GPHN: variants seen among roughly 807,000 people sequenced by gnomAD.
GPHN encodes gephyrin.
GPHN carries 17 observed loss-of-function variants against 95.5 expected under a neutral mutation model. The ratio of observed to expected loss-of-function variants is 0.18; its 90% CI spans 0.12 to 0.27. GPHN has a LOEUF of 0.27. Among genes scored for constraint, GPHN ranks in the 10% least tolerant of loss-of-function variants. The pLI, the probability that GPHN is intolerant of heterozygous loss-of-function variation, is 1.00. For missense variants in GPHN, 660 were observed against 978.1 expected, an observed-to-expected ratio of 0.67 and a Z score of 4.34; for synonymous variants, 320 against 322.5, an observed-to-expected ratio of 0.99 and a Z score of 0.08.
chr14:67,009,379 A>G (rs774833492), intron 9 of GPHN, among the ~76,000 whole-genome samples: 3 of 152,234 alleles, frequency 2.0e-5, no homozygotes, highest in Admixed American at 6.5e-5. Flanking sequence ...TGAAACTAAC[A>G]TAAATAAATT....
intron 12 of GPHN, among the ~76,000 whole-genome samples, chr14:67,095,815 A>T (rs1353901542): frequency 6.6e-6 from 1 of 151,944 alleles, no homozygotes; most frequent in East Asian, 1.9e-4. Flanking sequence ...GCATTAGGAG[A>T]TATACCTAAT....
intron 9 of GPHN, among the ~76,000 whole-genome samples, chr14:66,983,251 CA>C (rs1218109966): frequency 6.6e-6 from 1 of 151,746 alleles, no homozygotes; most frequent in African/African-American, 2.4e-5. Flanking sequence ...GACTCCATCT[CA>C]AAAAAATAAT....
chr14:66,641,654 CAAA>C (rs74268127), intron 1 of GPHN, among the ~76,000 whole-genome samples: 2 of 100,584 alleles, frequency 2.0e-5, no homozygotes, highest in Non-Finnish European at 4.1e-5. Flanking sequence ...AAGTAGATGA[CAAA>C]AAAAAAAAAA....
the GPHN span, chr14:67,454,507 G>A: frequency 4.6e-5 from 7 of 152,232 alleles, no homozygotes; most frequent in East Asian, 1.9e-4. Flanking sequence ...GTAGAACTCC[G>A]AACACTCATC....
intron 1 of GPHN, among the ~76,000 whole-genome samples, chr14:66,570,349 G>A (rs2140355468): frequency 6.9e-6 from 1 of 144,188 alleles, no homozygotes; most frequent in East Asian, 2.0e-4. Flanking sequence ...TTTTTGCCCA[G>A]GCTTGAGTGC....
chr14:67,049,210 GTTTGTTGTTGTTGTTGTT>G (rs1361050242), intron 10 of GPHN, among the ~76,000 whole-genome samples: 1 of 135,652 alleles, frequency 7.4e-6, no homozygotes, highest in Admixed American at 7.4e-5. Context: ...TGCTGATTAA[GTTTGTTGTTGTTGTTGTT>G]GTTGTTGTTG....
chr14:66,581,718 G>A (rs2061179835), intron 1 of GPHN, among the ~76,000 whole-genome samples: 1 of 151,598 alleles, frequency 6.6e-6, no homozygotes, highest in Non-Finnish European at 1.5e-5. Context: ...CCATGCTGAT[G>A]GAAACCAAAA....
At chr14:67,580,151 T>C in the GPHN span, 8 of 374,170 alleles carry the variant, frequency 2.1e-5, no homozygotes, top group Non-Finnish European at 4.0e-5. Flanking sequence ...TCTTCTTGGC[T>C]TGGTGTAGGG....
the GPHN span, among the ~76,000 whole-genome samples, chr14:67,470,026 G>A: frequency 6.6e-6 from 1 of 152,172 alleles, no homozygotes. Context: ...GTAAGGCCTG[G>A]ATCACATTAT....
intron 1 of GPHN, among the ~76,000 whole-genome samples, chr14:66,592,556 A>G (rs28884308): frequency 1.3e-5 from 2 of 152,198 alleles, no homozygotes; most frequent in Non-Finnish European, 2.9e-5. Context: ...AAAAAAGCTC[A>G]TCATCTTTCG....
intron 5 of GPHN, among the ~76,000 whole-genome samples, chr14:66,894,114 C>T (rs1596303463): frequency 6.6e-6 from 1 of 152,286 alleles, no homozygotes; most frequent in South Asian, 2.1e-4. Context: ...TCAAACTATA[C>T]TACAAGGCTA....
the GPHN span, among the ~76,000 whole-genome samples, chr14:67,619,641 A>C: frequency 6.6e-6 from 1 of 152,372 alleles, no homozygotes; most frequent in South Asian, 2.1e-4. Flanking sequence ...CCGCGAAGGG[A>C]CACACCTGTT....
At chr14:67,141,281 C>G (rs1218380321) in intron 17 of GPHN, among the ~76,000 whole-genome samples, 2 of 152,150 alleles carry the variant, frequency 1.3e-5, no homozygotes, top group African/African-American at 4.8e-5. Flanking sequence ...ACCAGGCCTA[C>G]CTTGCCATTT....
chr14:66,639,926 G>C (rs1335326554), intron 1 of GPHN, among the ~76,000 whole-genome samples: 1 of 152,102 alleles, frequency 6.6e-6, no homozygotes, highest in East Asian at 1.9e-4. Context: ...TCGTATTTCT[G>C]TTTAGAAAGT....
chr14:66,876,528 A>C (rs1034878146), intron 4 of GPHN, among the ~76,000 whole-genome samples: 1 of 152,230 alleles, frequency 6.6e-6, no homozygotes, highest in Non-Finnish European at 1.5e-5. Flanking sequence ...AAGAGTGAAG[A>C]ATTAAATAGA....
chr14:67,099,757 CTACA>C (rs2077590678), intron 12 of GPHN, among the ~76,000 whole-genome samples: 1 of 151,986 alleles, frequency 6.6e-6, no homozygotes, highest in Non-Finnish European at 1.5e-5. Flanking sequence ...CACTTTATAG[CTACA>C]TAAACGAGCA....
chr14:67,634,024 T>C, the GPHN span, among the ~76,000 whole-genome samples: 2 of 152,198 alleles, frequency 1.3e-5, no homozygotes, highest in Non-Finnish European at 2.9e-5. Flanking sequence ...TGTGACCTCC[T>C]TGAAGTCTGC....
the GPHN span, chr14:67,208,489 T>C: frequency 6.3e-7 from 1 of 1,584,196 alleles, no homozygotes; most frequent in African/African-American, 1.4e-5. Flanking sequence ...TTCTAAGACA[T>C]GAAATATTAA....
chr14:66,652,364 C>T (rs375683628), intron 1 of GPHN, among the ~76,000 whole-genome samples: 3 of 151,774 alleles, frequency 2.0e-5, no homozygotes, highest in Admixed American at 6.6e-5. Flanking sequence ...TAAGCAAATG[C>T]GTGTATACAA....
Sources: gnomAD v4.1 joint callset for allele counts (sites outside exome capture counted in the v4.1 genomes callset) on GRCh38, gnomAD v4.1.1 for gene constraint, MANE v1.5 for transcripts, NCBI Gene and HGNC (gene_info 2026-07-23, HGNC 2026-07-21) for gene names.